The following MGAM2 variants were observed in gnomAD, a reference collection of about 807,000 sequenced individuals.
MGAM2 encodes the protein probable maltase-glucoamylase 2.
Under a neutral mutation model 96.1 loss-of-function variants are expected in MGAM2, and 98 were observed. That is an observed-to-expected ratio of 1.02 (90% CI 0.87 to 1.21). The LOEUF (loss-of-function observed/expected upper bound fraction) is 1.21, where lower values mean the gene tolerates loss of function less well. Ranked by LOEUF, MGAM2 falls within the 50% of genes most tolerant of loss-of-function variation. The probability of loss-of-function intolerance (pLI) is 0.00; values close to 1 mark genes in which losing one functional copy is unlikely to be tolerated. For missense variants in MGAM2, 2,055 were observed against 1,182.4 expected, an observed-to-expected ratio of 1.74 and a Z score of -10.82; for synonymous variants, 749 against 414.8, an observed-to-expected ratio of 1.81 and a Z score of -9.79.
intron 7 of MGAM2, among the ~76,000 whole-genome samples, chr7:142,135,147 G>A (rs973168616): frequency 2.6e-5 from 4 of 152,174 alleles, no homozygotes; most frequent in African/African-American, 9.7e-5. Context: ...CTGACATTTT[G>A]CAATTCGTAT....
At chr7:142,194,532 T>G (rs1327746203) in intron 37 of MGAM2, among the ~76,000 whole-genome samples, 1 of 146,422 alleles carries the variant, frequency 6.8e-6, no homozygotes, top group East Asian at 1.9e-4. Context: ...CACCCCCATT[T>G]CTTTATCACA....
At chr7:142,117,019 A>C in intron 2 of MGAM2, 40 bp downstream of exon 2, 1 of 702,814 alleles carries the variant, frequency 1.4e-6, no homozygotes, top group South Asian at 1.5e-5. Flanking sequence ...TGGGTAAAGG[A>C]AGTCTCCTGT....
At chr7:142,212,776 C>G (rs1166400427) in intron 46 of MGAM2, among the ~76,000 whole-genome samples, 1 of 152,044 alleles carries the variant, frequency 6.6e-6, no homozygotes, top group African/African-American at 2.4e-5. Flanking sequence ...GACAGATCAA[C>G]AAGACAGAAA....
chr7:142,133,589 T>G (rs1270855397), intron 6 of MGAM2, among the ~76,000 whole-genome samples: 1 of 152,122 alleles, frequency 6.6e-6, no homozygotes, highest in Non-Finnish European at 1.5e-5. Context: ...CTGTGTTATA[T>G]ATCAGGCAAA....
At chr7:142,152,935 G>A (rs1795623785) in intron 15 of MGAM2, among the ~76,000 whole-genome samples, 1 of 151,352 alleles carries the variant, frequency 6.6e-6, no homozygotes, top group Non-Finnish European at 1.5e-5. Flanking sequence ...GTTCATCTGT[G>A]CCCCTGAAGT....
chr7:142,114,153 G>GGAAAGAAA (rs772126693), intron 1 of MGAM2, among the ~76,000 whole-genome samples: 8,338 of 86,854 alleles, frequency 0.096, 605 homozygotes, highest in East Asian at 0.13. Context: ...AAAGAAAGAA[G>GGAAAGAAA]GAAAGAAAGA....
rs867187095 is a variant in MGAM2 at position 142,196,731 on chromosome 7, A to T, written c.4547A>T (p.Asp1516Val). The change falls in exon 40 of 48, where the codon GAT (aspartate) becomes GTT (valine). Residue 1516 changes from aspartate (D) to valine (V), a missense_variant. Transcript: ENST00000477922. ...TGADICGFFG[D>V]AEYEMCVRWM... is the part of the protein sequence containing the mutation. The stretch of plus-strand genomic sequence containing the variant: ...GCAGATATCTGTGGGTTCTTTGGAG[A>T]TGCTGAATATGAGATGTGTGTTCGC... 2 of 790,324 alleles carry T rather than the reference A, an allele frequency of 2.5e-6. No individual in the cohort carries two copies. The highest frequency in any genetic ancestry group is 4.7e-6 in the Non-Finnish European group (2 of 426,864). The allele number at this position is 790,324 out of a possible 1,614,324, so 49.0% of individuals were successfully genotyped here.
intron 3 of MGAM2, among the ~76,000 whole-genome samples, chr7:142,128,538 C>T (rs1421189817): frequency 1.3e-5 from 2 of 152,184 alleles, no homozygotes. Context: ...TTCCATGGGC[C>T]AGGCCCAGGG....
Position 142,158,304 on chromosome 7 carries a change from G to C in MGAM2, c.2135G>C (p.Gly712Ala), listed in dbSNP as rs946872724. ...CATGAGCAGTTCTTATGGGGACCTG[G>C]ACTCCTCATCACGCCTGTTTTATAT... ...DVHEQFLWGP[G>A]LLITPVLYEG... Residue 712 changes from glycine (G) to alanine (A), a missense_variant, in exon 19 of 48, where the codon GGA becomes GCA. Physicochemically the swap from Gly to Ala is moderately conservative, Grantham distance 60. Transcript: ENST00000477922. The C allele has an allele frequency of 1.6e-5, 11 of 702,830 alleles. No individual in the cohort carries two copies. The highest frequency in any genetic ancestry group is 2.6e-5 in the Non-Finnish European group (10 of 384,992). The allele number at this position is 702,830 out of a possible 1,614,324, so 43.5% of individuals were successfully genotyped here.
chr7:142,145,541 G>T (rs1481113678), intron 14 of MGAM2, among the ~76,000 whole-genome samples: 1 of 152,136 alleles, frequency 6.6e-6, no homozygotes, highest in Non-Finnish European at 1.5e-5. Flanking sequence ...AATATGTGTG[G>T]AGGTGGCGGG....
At chr7:142,115,988 G>A (rs963607043) in intron 1 of MGAM2, among the ~76,000 whole-genome samples, 1 of 152,194 alleles carries the variant, frequency 6.6e-6, no homozygotes, top group Admixed American at 6.5e-5. Flanking sequence ...AAACATTTGA[G>A]GATGATGGAG....
chr7:142,168,059 A>G (rs1796080365), intron 26 of MGAM2, among the ~76,000 whole-genome samples: 1 of 152,162 alleles, frequency 6.6e-6, no homozygotes, highest in African/African-American at 2.4e-5. Flanking sequence ...TAGCCCTGAG[A>G]AAAATGGATC....
At chr7:142,185,180 A>T in intron 34 of MGAM2, 41 bp downstream of exon 34, 1 of 695,926 alleles carries the variant, frequency 1.4e-6, no homozygotes, top group South Asian at 1.5e-5. Flanking sequence ...TGCCCTAAAC[A>T]TCTGGATATT....
chr7:142,185,777 GATTATAAAGCT>G, intron 34 of MGAM2, among the ~76,000 whole-genome samples: 1 of 152,284 alleles, frequency 6.6e-6, no homozygotes, highest in Admixed American at 6.5e-5. Flanking sequence ...ATTTGAAAGG[GATTATAAAGCT>G]ATCTAACCTT....
rs1796150314 is a variant in MGAM2, at chr7:142,170,310, A to G, written c.3182+81A>G. ...TTACAATTAATTCAAGTGAAATATTAATCTCAGAGACTCTATGGAAATAGG... is the reference window on the plus strand; with the variant it reads ...TTACAATTAATTCAAGTGAAATATTGATCTCAGAGACTCTATGGAAATAGG... On this transcript the variant is annotated intron_variant, in intron 27 of 47. Coordinates refer to ENST00000477922, the MANE Select transcript of MGAM2 (RefSeq NM_001293626.2). The G allele has an allele frequency of 1.0e-5, 6 of 597,566 alleles. No homozygotes were observed. In the South Asian group the frequency reaches 1.3e-4, roughly 13 times the overall value. The allele number at this position is 597,566 out of a possible 1,614,324, so 37.0% of individuals were successfully genotyped here.
chr7:142,176,622 A>G (rs1224516651), intron 32 of MGAM2, among the ~76,000 whole-genome samples: 1 of 152,228 alleles, frequency 6.6e-6, no homozygotes. Context: ...ATAATATTAT[A>G]GAGAATAATT....
chr7:142,150,812 C>A (rs923487305), intron 15 of MGAM2, among the ~76,000 whole-genome samples: 1 of 152,088 alleles, frequency 6.6e-6, no homozygotes, highest in East Asian at 1.9e-4. Context: ...ACTTTATAAT[C>A]GAACCCTTTC....
chr7:142,212,911 G>A (rs1420940610), intron 46 of MGAM2, among the ~76,000 whole-genome samples: 2 of 151,902 alleles, frequency 1.3e-5, no homozygotes, highest in East Asian at 1.9e-4. Flanking sequence ...GCACTTATTC[G>A]AAAATCAACC....
chr7:142,148,867 T>G lies in MGAM2; in HGVS notation c.1634+1294T>G, dbSNP rs1020000339. 4.6e-5 allele frequency among the ~76,000 whole-genome samples: 7 copies of G among 152,092 alleles called. No individual in the cohort carries two copies. Among genetic ancestry groups the G allele is most frequent in the Non-Finnish European group, 8.8e-5 (6 of 68,006 alleles). Reference sequence around the variant, plus strand: ...GTCTCAGTCCTTTTCTTACTTGACTTCTCTTTCTCCTTGGTACTCAAGGCC... The same window carrying G: ...GTCTCAGTCCTTTTCTTACTTGACTGCTCTTTCTCCTTGGTACTCAAGGCC... On this transcript the variant is annotated intron_variant, in intron 15 of 47. Transcript: ENST00000477922. This position sits in a 1 kb window ranked among gnomAD's most constrained non-coding sequence, Gnocchi z 4.2.
Sources: allele counts gnomAD v4.1 joint callset (sites outside exome capture counted in the v4.1 genomes callset), GRCh38; gene constraint gnomAD v4.1.1; non-coding constraint Gnocchi (gnomAD v3.1); transcripts MANE v1.5; gene names NCBI Gene and HGNC (gene_info 2026-07-23, HGNC 2026-07-21).